The following TMEM147 variants were observed in gnomAD, a reference collection of about 807,000 sequenced individuals.
The protein encoded by TMEM147 is transmembrane protein 147.
In TMEM147, 29 loss-of-function variants were observed where a neutral mutation model predicts 29.4. The observed-to-expected ratio is 0.99, with a 90% CI of 0.73 to 1.34. TMEM147 has a LOEUF of 1.34. TMEM147 is among the 40% of genes most tolerant of loss of function. TMEM147 has a pLI of 0.00. For missense variants in TMEM147, 260 were observed against 289.4 expected (o/e 0.90, Z 0.74); for synonymous variants, 121 against 111.8 (o/e 1.08, Z -0.52).
At chr19:35,546,358 C>CT (rs1412902998) in intron 2 of TMEM147, 168 bp from the exon 3 acceptor site, 6 of 772,506 alleles carry the variant, frequency 7.8e-6, no homozygotes, top group Non-Finnish European at 1.2e-5. Flanking sequence ...GACCTATCCT[C>CT]TATCTCCCCG....
At position 35,547,411 on chromosome 19, in the gene TMEM147, G is replaced by T. The variant is rs139776755; in HGVS notation, c.639G>T (p.Leu213Phe). ...CGGGGCTGCTGGCCCTCAGCACTTTGGCCCTGTATGTCGCCGTTGTCAATG... is the reference window on the plus strand; with the variant it reads ...CGGGGCTGCTGGCCCTCAGCACTTTTGCCCTGTATGTCGCCGTTGTCAATG... ...VVTGLLALST[L>F]ALYVAVVNVH... The change falls in exon 7 of 7, where the codon TTG becomes TTT. Residue 213 changes from leucine to phenylalanine, a missense_variant. Transcript: ENST00000222284. 2.2e-5 allele frequency: 35 copies of T among 1,613,644 alleles called. No individual in the cohort carries two copies. Among genetic ancestry groups the T allele is most frequent in the Non-Finnish European group, 2.9e-5 (34 of 1,180,046 alleles).
chr19:35,546,469 G>A (rs751273020), intron 2 of TMEM147, 57 bp from the exon 3 acceptor site: 7 of 1,555,788 alleles, frequency 4.5e-6, no homozygotes, highest in Admixed American at 1.9e-5. Context: ...CAAATCCCAC[G>A]TGGTTTATCT....
In TMEM147 at chr19:35,547,393, G is replaced by T; in HGVS notation, c.621G>T (p.Leu207=). Residue 207 remains leucine, a synonymous_variant, in exon 7 of 7, where the codon CTG becomes CTT. Coordinates refer to ENST00000222284, the MANE Select transcript of TMEM147 (RefSeq NM_032635.4). The stretch of plus-strand genomic sequence containing the variant: ...TGGCCCGAGCAGTGGTAACGGGGCT[G>T]CTGGCCCTCAGCACTTTGGCCCTGT... ...ALLARAVVTG[L]LALSTLALYV... 1 of 1,613,856 alleles carries T rather than the reference G, an allele frequency of 6.2e-7. No homozygotes were observed. Among genetic ancestry groups the T allele is most frequent in the Non-Finnish European group, 8.5e-7 (1 of 1,180,024 alleles).
chr19:35,545,999 C>T, intron 2 of TMEM147, 42 bp downstream of exon 2: 2 of 1,597,870 alleles, frequency 1.3e-6, no homozygotes, highest in Non-Finnish European at 1.7e-6. Flanking sequence ...CCCCCAGGCT[C>T]TGCAGACCCA....
At chr19:35,546,155 T>G in intron 2 of TMEM147, 198 bp downstream of exon 2, 2 of 655,582 alleles carry the variant, frequency 3.1e-6, no homozygotes, top group South Asian at 1.9e-5. Context: ...AAGCAACTTT[T>G]GCGTAGCACT....
chr19:35,546,022 C>A (rs2071552360), intron 2 of TMEM147, 65 bp downstream of exon 2: 6 of 1,546,588 alleles, frequency 3.9e-6, no homozygotes, highest in Non-Finnish European at 4.4e-6. Context: ...GACCCGCCCC[C>A]GTTGCCTATC....
chr19:35,547,345 G>A lies in TMEM147; in HGVS notation c.573G>A (p.Ser191=), dbSNP rs1472707489. ...GCAGGACCTTCGTCCACCTCTGCTC[G>A]CTGGGCAGTTGGGCAGCTCTACTGG... is the stretch of plus-strand genomic sequence containing the variant. The part of the protein sequence containing the change: ...FVMETFVHLC[S]LGSWAALLAR... The change falls in exon 7 of 7, where the codon TCG becomes TCA. Residue 191 remains serine, a synonymous_variant. Coordinates refer to ENST00000222284, the MANE Select transcript of TMEM147 (RefSeq NM_032635.4). 9.3e-6 allele frequency: 15 copies of A among 1,613,934 alleles called. No individual in the cohort carries two copies. Among genetic ancestry groups the A allele is most frequent in the Admixed American group, 1.7e-5 (1 of 60,014 alleles).
At position 35,547,396 on chromosome 19, in the gene TMEM147, G is replaced by A. The variant is rs1354651310; in HGVS notation, c.624G>A (p.Leu208=). ...LLARAVVTGL[L]ALSTLALYVA... Reference sequence around the variant, plus strand: ...CCCGAGCAGTGGTAACGGGGCTGCTGGCCCTCAGCACTTTGGCCCTGTATG... The same window carrying A: ...CCCGAGCAGTGGTAACGGGGCTGCTAGCCCTCAGCACTTTGGCCCTGTATG... The change falls in exon 7 of 7, where the codon CTG becomes CTA. Residue 208 remains leucine (L), a synonymous_variant. Coordinates refer to ENST00000222284, the MANE Select transcript of TMEM147 (RefSeq NM_032635.4). 10 of 1,613,708 alleles carry A rather than the reference G, an allele frequency of 6.2e-6. No individual in the cohort carries two copies. Among genetic ancestry groups the A allele is most frequent in the Non-Finnish European group, 5.9e-6 (7 of 1,180,038 alleles).
rs780587702 is a variant in TMEM147, at chr19:35,547,224, A to AG, written c.535_536insG (p.Lys179ArgfsTer68). ...CCTGCTGATGTTCCTCAGTGTCTAC[A>AG]AGGCCTTTGTTATGGAGTGAGTTGG... On this transcript the variant is annotated frameshift_variant, in exon 6 of 7. Coordinates refer to ENST00000222284, the MANE Select transcript of TMEM147 (RefSeq NM_032635.4). LOFTEE classifies it high-confidence loss of function. 7.4e-6 allele frequency: 12 copies of AG among 1,614,016 alleles called. No individual in the cohort carries two copies. Among genetic ancestry groups the AG allele is most frequent in the Non-Finnish European group, 1.0e-5 (12 of 1,179,984 alleles).
At position 35,545,669 on chromosome 19, in the gene TMEM147, G is replaced by C; in HGVS notation, c.-71G>C. ...CCCTGGCCGTGGCGAAAGAGCCGGC[G>C]GAGCCGGAGACCCGCTCCCGGAGAC... On this transcript the variant is annotated 5_prime_UTR_variant, in exon 1 of 7. Transcript: ENST00000222284. The C allele has an allele frequency of 6.5e-7, 1 of 1,548,798 alleles. No individual in the cohort carries two copies. Among genetic ancestry groups the C allele is most frequent in the South Asian group, 1.1e-5 (1 of 87,352 alleles).
Position 35,545,665 on chromosome 19 carries a change from CGGCGG to C in TMEM147, c.-74_-70del. 1 of 1,529,182 alleles carries C rather than the reference CGGCGG, an allele frequency of 6.5e-7. No individual in the cohort carries two copies. Among genetic ancestry groups the C allele is most frequent in the East Asian group, 2.3e-5 (1 of 43,950 alleles). 94.7% of individuals were successfully genotyped at this position (1,529,182 alleles called of 1,614,324 possible). On this transcript the variant is annotated 5_prime_UTR_variant, in exon 1 of 7. Coordinates refer to ENST00000222284, the MANE Select transcript of TMEM147 (RefSeq NM_032635.4). The stretch of plus-strand genomic sequence containing the variant: ...CAGGCCCTGGCCGTGGCGAAAGAGC[CGGCGG>C]AGCCGGAGACCCGCTCCCGGAGACG...
Position 35,547,002 on chromosome 19 carries a change from G to A in TMEM147, c.402G>A (p.Gln134=), listed in dbSNP as rs1467496403. Reference sequence around the variant, plus strand: ...TTGAGTTTGACTGGAAGTACATCCAGATGAGCATAGACTCCAACATCAGTC... The same window carrying A: ...TTGAGTTTGACTGGAAGTACATCCAAATGAGCATAGACTCCAACATCAGTC... ...RGIEFDWKYI[Q]MSIDSNISLV... Residue 134 remains glutamine, a synonymous_variant, in exon 5 of 7, where the codon CAG becomes CAA. Transcript: ENST00000222284. 2 of 1,614,234 alleles carry A rather than the reference G, an allele frequency of 1.2e-6. No homozygotes were observed. The highest frequency in any genetic ancestry group is 2.2e-5 in the East Asian group (1 of 44,894).
At position 35,547,103 on chromosome 19, in the gene TMEM147, T is replaced by C; in HGVS notation, c.430-16T>C. ...TCCTCCCCAAGGCCTGGCCCCGACT[T>C]TCTGCCTCCCTCTAGGTCCATTACA... On this transcript the variant is annotated splice_polypyrimidine_tract_variant and intron_variant, in intron 5 of 6. Coordinates refer to ENST00000222284, the MANE Select transcript of TMEM147 (RefSeq NM_032635.4). 2 of 1,614,220 alleles carry C rather than the reference T, an allele frequency of 1.2e-6. No individual in the cohort carries two copies. The highest frequency in any genetic ancestry group is 1.7e-6 in the Non-Finnish European group (2 of 1,180,044).
In TMEM147 at chr19:35,547,224, A is replaced by G. The variant is rs1326842174; in HGVS notation, c.535A>G (p.Lys179Glu). The change falls in exon 6 of 7, where the codon AAG becomes GAG. Residue 179 changes from lysine to glutamate, a missense_variant. By Grantham distance (56) the Lys-to-Glu change is moderately conservative (BLOSUM62 1). Coordinates refer to ENST00000222284, the MANE Select transcript of TMEM147 (RefSeq NM_032635.4). ...VLLLMFLSVY[K>E]AFVMETFVHL... is the part of the protein sequence containing the mutation. The stretch of plus-strand genomic sequence containing the variant: ...CCTGCTGATGTTCCTCAGTGTCTAC[A>G]AGGCCTTTGTTATGGAGTGAGTTGG... 1.2e-6 allele frequency: 2 copies of G among 1,614,016 alleles called. No homozygotes were observed. The highest frequency in any genetic ancestry group is 1.7e-6 in the Non-Finnish European group (2 of 1,179,984).
intron 2 of TMEM147, chr19:35,546,276 C>T (rs535887898): frequency 6.7e-6 from 4 of 601,374 alleles, no homozygotes; most frequent in South Asian, 4.1e-5. Flanking sequence ...CAAGGAGCAG[C>T]ACCTTCAGAC....
chr19:35,546,659 A>T lies in TMEM147; in HGVS notation c.208-13A>T. On this transcript the variant is annotated splice_polypyrimidine_tract_variant and intron_variant, in intron 3 of 6. Coordinates refer to ENST00000222284, the MANE Select transcript of TMEM147 (RefSeq NM_032635.4). Reference sequence around the variant, plus strand: ...TCCCCCTGTGCTTACTTAAGCCTCAACCTGACCCGCAGGAGTTCATGAAGG... The same window carrying T: ...TCCCCCTGTGCTTACTTAAGCCTCATCCTGACCCGCAGGAGTTCATGAAGG... 6.2e-7 allele frequency: 1 copy of T among 1,611,402 alleles called. No homozygotes were observed.
chr19:35,545,959 T>C lies in TMEM147; in HGVS notation c.147+2T>C. On this transcript the variant is annotated splice_donor_variant, in intron 2 of 6. Transcript: ENST00000222284. LOFTEE classifies it high-confidence loss of function. ...TACCTCTTTGTCCAACTCTGCAAGG[T>C]GAGGGCCACCGGGAAGCCACGTGTT... The C allele has an allele frequency of 3.1e-6, 5 of 1,613,168 alleles. No homozygotes were observed. Among genetic ancestry groups the C allele is most frequent in the Non-Finnish European group, 3.4e-6 (4 of 1,179,742 alleles).
chr19:35,546,590 G>A lies in TMEM147; in HGVS notation c.207+5G>A. On this transcript the variant is annotated splice_donor_5th_base_variant and intron_variant, in intron 3 of 6. Coordinates refer to ENST00000222284, the MANE Select transcript of TMEM147 (RefSeq NM_032635.4). ...GGCATCTATGACTTCATTGGGGTGA[G>A]AGGGGCCAGGGAAGGGAAGGGAGTT... 6.2e-7 allele frequency: 1 copy of A among 1,612,998 alleles called. No homozygotes were observed.
chr19:35,546,185 T>C (rs1408826054), intron 2 of TMEM147: 2 of 621,452 alleles, frequency 3.2e-6, no homozygotes, highest in Non-Finnish European at 5.6e-6. Context: ...TGAGAAAACC[T>C]CAGTAGTGTG....
Sources: allele counts gnomAD v4.1 joint callset, GRCh38; gene constraint gnomAD v4.1.1; transcripts MANE v1.5; gene names NCBI Gene and HGNC (gene_info 2026-07-23, HGNC 2026-07-21).